The following MSH3 variants were observed in gnomAD, a reference collection of about 807,000 sequenced individuals.
MSH3 encodes DNA mismatch repair protein Msh3.
MSH3 carries 106 observed loss-of-function variants against 123.3 expected under a neutral mutation model. The observed-to-expected ratio is 0.86, with a 90% CI of 0.73 to 1.01. The LOEUF is 1.01. Ranked by LOEUF, MSH3 falls within the 50% of genes least tolerant of loss-of-function variation. The pLI is 0.00. For synonymous variants in MSH3, 515 were observed against 481.4 expected (o/e 1.07, Z -0.91); for missense variants, 1,459 against 1,347.6 (o/e 1.08, Z -1.29).
At chr5:80,807,929 T>C (rs1744921508) in intron 19 of MSH3, among the ~76,000 whole-genome samples, 1 of 152,184 alleles carries the variant, frequency 6.6e-6, no homozygotes, top group Non-Finnish European at 1.5e-5. Context: ...GCAAACACAG[T>C]GGCCAGGCTG....
chr5:80,858,040 T>G (rs906182584), intron 21 of MSH3, among the ~76,000 whole-genome samples: 4 of 152,110 alleles, frequency 2.6e-5, no homozygotes, highest in African/African-American at 9.7e-5. Flanking sequence ...TATTCTTTCT[T>G]TTCTTTCCAT....
chr5:80,849,235 G>A lies in MSH3; in HGVS notation c.2814-4895G>A, dbSNP rs78081292. Reference sequence around the variant, plus strand: ...CCTCCCCTGTGCTTTGCAGGGTACAGCCTCCCTCCCAGCTTCTTTCACAGG... The same window carrying A: ...CCTCCCCTGTGCTTTGCAGGGTACAACCTCCCTCCCAGCTTCTTTCACAGG... On this transcript the variant is annotated intron_variant, in intron 20 of 23. Coordinates refer to ENST00000265081, the MANE Select transcript of MSH3 (RefSeq NM_002439.5). Among the ~76,000 whole-genome samples the A allele has an allele frequency of 1.6e-3, 248 of 152,268 alleles. 2 individuals carry two copies. Among genetic ancestry groups the A allele is most frequent in the African/African-American group, 4.7e-3 (196 of 41,550 alleles).
At chr5:80,693,075 GTA>G (rs10547857) in intron 8 of MSH3, among the ~76,000 whole-genome samples, 5,184 of 81,580 alleles carry the variant, frequency 0.064, 139 homozygotes, top group East Asian at 0.12. Context: ...ACATGCACAT[GTA>G]TATGTTTATA....
At chr5:80,708,613 A>T (rs929823940) in intron 8 of MSH3, among the ~76,000 whole-genome samples, 7 of 151,978 alleles carry the variant, frequency 4.6e-5, no homozygotes, top group African/African-American at 1.7e-4. Context: ...GTGGAGATGG[A>T]GTCTCACTTA....
chr5:80,871,248 G>A (rs78031541), intron 22 of MSH3, among the ~76,000 whole-genome samples: 2,106 of 152,240 alleles, frequency 0.014, 61 homozygotes, highest in East Asian at 0.11. Flanking sequence ...GAGGGGGATA[G>A]ACCTCTATAC....
At position 80,875,783 on chromosome 5, in the gene MSH3, C is replaced by T. The variant is rs576204286; in HGVS notation, c.3335C>T (p.Thr1112Met). The T allele has an allele frequency of 2.2e-5, 36 of 1,613,520 alleles. No individual in the cohort carries two copies. In the East Asian group the frequency reaches 4.5e-4, roughly 20 times the overall value. The change falls in exon 24 of 24, where the codon ACG (threonine) becomes ATG (methionine). Residue 1112 changes from threonine to methionine, a missense_variant. Thr to Met is a moderately conservative substitution (Grantham distance 81). Coordinates refer to ENST00000265081, the MANE Select transcript of MSH3 (RefSeq NM_002439.5). Reference protein sequence around the residue: ...KRLKYFAKLWTMHNAQDLQKW... With the variant: ...KRLKYFAKLWMMHNAQDLQKW... The stretch of plus-strand genomic sequence containing the variant: ...CTCAAGTATTTTGCAAAGTTATGGA[C>T]GATGCATAATGCACAAGACCTGCAG...
Position 80,714,107 on chromosome 5 carries a change from A to G in MSH3, c.1341-11346A>G, listed in dbSNP as rs147358374. Among the ~76,000 whole-genome samples, 249 of 147,688 alleles carry G rather than the reference A, an allele frequency of 1.7e-3. 2 individuals are homozygous for G. Among genetic ancestry groups the G allele is most frequent in the African/African-American group, 5.9e-3 (236 of 39,928 alleles). ...ACAGAATTCTGGTAGGATGCTAGGCATGTGTGCAGAATTTCAAATAGACTT... is the reference window on the plus strand; with the variant it reads ...ACAGAATTCTGGTAGGATGCTAGGCGTGTGTGCAGAATTTCAAATAGACTT... On this transcript the variant is annotated intron_variant, in intron 8 of 23. Coordinates refer to ENST00000265081, the MANE Select transcript of MSH3 (RefSeq NM_002439.5).
chr5:80,655,839 T>A (rs1453275217), intron 1 of MSH3, among the ~76,000 whole-genome samples: 1 of 152,206 alleles, frequency 6.6e-6, no homozygotes, highest in Non-Finnish European at 1.5e-5. Flanking sequence ...TTTCATGAAT[T>A]CACCAAAATT....
chr5:80,854,189 A>G lies in MSH3; in HGVS notation c.2873A>G (p.Asp958Gly). The change falls in exon 21 of 24, where the codon GAC (aspartate) becomes GGC (glycine). Residue 958 changes from aspartate (D) to glycine (G), a missense_variant. By Grantham distance (94) the Asp-to-Gly change is moderately conservative. Transcript: ENST00000265081. ...GQSTFMEELT[D>G]TAEIIRKATS... ...AGTACATTTATGGAAGAACTGACTG[A>G]CACAGCAGAAATAATCAGAAAAGCA... The G allele has an allele frequency of 6.2e-7, 1 of 1,613,878 alleles. No homozygotes were observed. Among genetic ancestry groups the G allele is most frequent in the Non-Finnish European group, 8.5e-7 (1 of 1,179,836 alleles).
At chr5:80,790,856 C>T (rs1353900959) in intron 18 of MSH3, among the ~76,000 whole-genome samples, 1 of 152,104 alleles carries the variant, frequency 6.6e-6, no homozygotes, top group African/African-American at 2.4e-5. Context: ...AGAAAAAAAC[C>T]AGTGCCCTGC....
chr5:80,662,958 G>A (rs1749472960), intron 2 of MSH3, among the ~76,000 whole-genome samples: 1 of 152,226 alleles, frequency 6.6e-6, no homozygotes, highest in African/African-American at 2.4e-5. Flanking sequence ...AAATAAGCCA[G>A]GAGCAGTGGC....
rs1580091577 is a variant in MSH3 at position 80,854,243 on chromosome 5, A to G, written c.2927A>G (p.Glu976Gly). The G allele has an allele frequency of 5.0e-6, 8 of 1,614,038 alleles. No homozygotes were observed. The highest frequency in any genetic ancestry group is 6.8e-6 in the Non-Finnish European group (8 of 1,179,942). The change falls in exon 21 of 24, where the codon GAA (glutamate) becomes GGA (glycine). Residue 976 changes from glutamate to glycine, a missense_variant. Transcript: ENST00000265081. ...ATSQSLVILD[E>G]LGRGTSTHDG... ...TCACAGTCCTTGGTTATCTTGGATG[A>G]ACTAGGAAGAGGGACGAGCACTCAT...
chr5:80,779,042 A>G (rs917202386), intron 17 of MSH3, among the ~76,000 whole-genome samples: 2 of 142,420 alleles, frequency 1.4e-5, no homozygotes, highest in African/African-American at 2.7e-5. Context: ...CCGAGGCTGG[A>G]GTGCAGTGGC....
intron 5 of MSH3, 64 bp from the exon 6 acceptor site, chr5:80,672,677 C>G (rs1677655): frequency 7.8e-7 from 1 of 1,275,578 alleles, no homozygotes; most frequent in Admixed American, 1.7e-5. Flanking sequence ...TTAAACATTT[C>G]GAAATGAGTT....
At chr5:80,715,852 C>T (rs1004511072) in intron 8 of MSH3, among the ~76,000 whole-genome samples, 2 of 152,156 alleles carry the variant, frequency 1.3e-5, no homozygotes, top group African/African-American at 4.8e-5. Context: ...AGTCACCTCC[C>T]ACCAGGTCCC....
At chr5:80,807,832 C>T (rs1282891248) in intron 19 of MSH3, among the ~76,000 whole-genome samples, 2 of 152,200 alleles carry the variant, frequency 1.3e-5, no homozygotes, top group Non-Finnish European at 2.9e-5. Flanking sequence ...GGGGCTATTA[C>T]ACCAATGAAC....
Position 80,728,899 on chromosome 5 carries a change from G to A in MSH3, c.1502G>A (p.Cys501Tyr), listed in dbSNP as rs770367587. The A allele has an allele frequency of 6.2e-7, 1 of 1,612,734 alleles. No individual in the cohort carries two copies. The highest frequency in any genetic ancestry group is 2.2e-5 in the East Asian group (1 of 44,838). Residue 501 changes from cysteine (C) to tyrosine (Y), a missense_variant, in exon 10 of 24, where the codon TGC becomes TAC. Cys to Tyr is a radical substitution (Grantham distance 194). Coordinates refer to ENST00000265081, the MANE Select transcript of MSH3 (RefSeq NM_002439.5). ...GTTAACTTAGAGAAGCCTGTGATTTGCTCTTTGGCTGCCATCATAAAATAC... is the reference window on the plus strand; with the variant it reads ...GTTAACTTAGAGAAGCCTGTGATTTACTCTTTGGCTGCCATCATAAAATAC... ...GIVNLEKPVI[C>Y]SLAAIIKYLK...
At chr5:80,816,986 G>A (rs1461392712) in intron 20 of MSH3, among the ~76,000 whole-genome samples, 1 of 152,202 alleles carries the variant, frequency 6.6e-6, no homozygotes. Flanking sequence ...GAGATCAAAG[G>A]TAAAGATGTA....
chr5:80,840,693 C>T (rs755412161), intron 20 of MSH3, among the ~76,000 whole-genome samples: 5 of 151,342 alleles, frequency 3.3e-5, no homozygotes, highest in Non-Finnish European at 7.4e-5. Flanking sequence ...TTTGCTGCAC[C>T]CATCAACTCG....
Sources: gnomAD v4.1 joint callset for allele counts (sites outside exome capture counted in the v4.1 genomes callset) on GRCh38, gnomAD v4.1.1 for gene constraint, MANE v1.5 for transcripts, NCBI Gene and HGNC (gene_info 2026-07-23, HGNC 2026-07-21) for gene names.